Variants in CLASRP observed in about 807,000 individuals in gnomAD.
The protein encoded by CLASRP is CLK4 associating serine/arginine rich protein.
CLASRP carries 52 observed loss-of-function variants against 99.9 expected under a neutral mutation model. That is an observed-to-expected ratio of 0.52 (90% CI 0.42 to 0.66). The LOEUF (loss-of-function observed/expected upper bound fraction) is 0.66, where lower values mean the gene tolerates loss of function less well. Among genes scored for constraint, CLASRP ranks in the 30% least tolerant of loss-of-function variants. The probability of loss-of-function intolerance (pLI) is 0.00; values close to 1 mark genes in which losing one functional copy is unlikely to be tolerated. For missense variants in CLASRP, 848 were observed against 999.2 expected (o/e 0.85, Z 2.04); for synonymous variants, 379 against 373.0 (o/e 1.02, Z -0.18).
Position 45,070,073 on chromosome 19 carries a change from C to A in CLASRP, c.1926C>A (p.Ser642Arg). 6.2e-7 allele frequency: 1 copy of A among 1,607,078 alleles called. No homozygotes were observed. Among genetic ancestry groups the A allele is most frequent in the Non-Finnish European group, 8.5e-7 (1 of 1,173,662 alleles). Residue 642 changes from serine to arginine, a missense_variant, in exon 19 of 21, where the codon AGC (serine) becomes AGA (arginine). Physicochemically the swap from Ser to Arg is moderately radical, Grantham distance 110. Coordinates refer to ENST00000221455, the MANE Select transcript of CLASRP (RefSeq NM_007056.3). ...KEREEWERQY[S>R]RQSRSPSPRY... ...GAGAAGAGTGGGAACGCCAGTACAG[C>A]CGGCAGAGCCGCTCACCCTCCCCCC...
intron 2 of CLASRP, among the ~76,000 whole-genome samples, chr19:45,042,938 C>G (rs1971840428): frequency 6.6e-6 from 1 of 152,156 alleles, no homozygotes; most frequent in South Asian, 2.1e-4. Flanking sequence ...CTGAAACTTT[C>G]TGCATACTGA....
At position 45,060,330 on chromosome 19, in the gene CLASRP, GTCC is replaced by G; in HGVS notation, c.711-54_711-52del. The stretch of plus-strand genomic sequence containing the variant: ...CACTTTCTCTGATGACTCAGTCTGT[GTCC>G]TCCTTACCCTGTGGCCTGCCCCATC... On this transcript the variant is annotated intron_variant, in intron 8 of 20. Coordinates refer to ENST00000221455, the MANE Select transcript of CLASRP (RefSeq NM_007056.3). The surrounding 1 kb of genome is among the most constrained non-coding windows in gnomAD (Gnocchi z 4.6). 1 of 1,493,200 alleles carries G rather than the reference GTCC, an allele frequency of 6.7e-7. No homozygotes were observed. The highest frequency in any genetic ancestry group is 1.7e-5 in the Admixed American group (1 of 59,758). 92.5% of individuals were successfully genotyped at this position (1,493,200 alleles called of 1,614,324 possible).
At chr19:45,048,710 G>T (rs576508254) in intron 2 of CLASRP, among the ~76,000 whole-genome samples, 1 of 151,998 alleles carries the variant, frequency 6.6e-6, no homozygotes, top group South Asian at 2.1e-4. Flanking sequence ...AGTACCAGCT[G>T]GGCGTGGTGG....
At position 45,063,436 on chromosome 19, in the gene CLASRP, C is replaced by CTTTTTTT. The variant is rs565600159; in HGVS notation, c.906-555_906-549dup. On this transcript the variant is annotated intron_variant, in intron 11 of 20. Transcript: ENST00000221455. ...GTGTTTTGTACAGAGATCTGCTTAT[C>CTTTTTTT]TTTTTTTTTTTTTTTTTTTTTTTTT... Among the ~76,000 whole-genome samples, 115 of 42,392 alleles carry CTTTTTTT rather than the reference C, an allele frequency of 2.7e-3. 22 individuals are homozygous for CTTTTTTT. Among genetic ancestry groups the CTTTTTTT allele is most frequent in the South Asian group, 8.0e-3 (8 of 994 alleles). 27.8% of individuals were successfully genotyped at this position (42,392 alleles called of 152,430 possible).
chr19:45,068,127 C>T, intron 15 of CLASRP, 73 bp downstream of exon 15: 17 of 1,453,922 alleles, frequency 1.2e-5, no homozygotes, highest in Non-Finnish European at 1.6e-5. Context: ...CCCGGTGGGC[C>T]TGCAGGGGGG....
rs1020122258 is a variant in CLASRP, at chr19:45,067,385, C to T, written c.1458C>T (p.Leu486=). 4 of 1,533,306 alleles carry T rather than the reference C, an allele frequency of 2.6e-6. No homozygotes were observed. In the Admixed American group the frequency reaches 5.9e-5, roughly 23 times the overall value. The allele number at this position is 1,533,306 out of a possible 1,614,324, so 95.0% of individuals were successfully genotyped here. A position where few individuals can be genotyped will look rare whatever the true frequency, so the allele number is the denominator to read the frequency against. ...GDRYRRGGRG[L]RHHSSSRSRS... Reference sequence around the variant, plus strand: ...GCTACAGGCGGGGCGGCCGGGGCCTCAGGCACCACAGCAGTAGCCGCAGCC... The same window carrying T: ...GCTACAGGCGGGGCGGCCGGGGCCTTAGGCACCACAGCAGTAGCCGCAGCC... Residue 486 remains leucine, a synonymous_variant, in exon 14 of 21, where the codon CTC becomes CTT. Coordinates refer to ENST00000221455, the MANE Select transcript of CLASRP (RefSeq NM_007056.3). This position sits in a 1 kb window ranked among gnomAD's most constrained non-coding sequence, Gnocchi z 4.9.
At chr19:45,059,433 G>C (rs549395326) in intron 8 of CLASRP, 69 bp downstream of exon 8, 801 of 1,256,890 alleles carry the variant, frequency 6.4e-4, no homozygotes, top group Non-Finnish European at 8.1e-4. Flanking sequence ...TATTACTCCC[G>C]GTATTGACAG....
intron 13 of CLASRP, among the ~76,000 whole-genome samples, chr19:45,066,943 G>A (rs1443671291): frequency 6.6e-6 from 1 of 152,148 alleles, no homozygotes; most frequent in African/African-American, 2.4e-5. Flanking sequence ...AGGATGAGGT[G>A]GTGGGTGAGG....
At position 45,069,259 on chromosome 19, in the gene CLASRP, G is replaced by GC. The variant is rs766154590; in HGVS notation, c.1874+15dup. On this transcript the variant is annotated intron_variant, in intron 18 of 20. Transcript: ENST00000221455. Reference sequence around the variant, plus strand: ...CAAGATCCGCATGAAGTAAGACCTTGCCCCTCCCTGTCCCATGGCCACACC... The same window carrying GC: ...CAAGATCCGCATGAAGTAAGACCTTGCCCCCTCCCTGTCCCATGGCCACACC... 1 of 1,612,510 alleles carries GC rather than the reference G, an allele frequency of 6.2e-7. No individual in the cohort carries two copies. Among genetic ancestry groups the GC allele is most frequent in the Non-Finnish European group, 8.5e-7 (1 of 1,179,894 alleles).
Position 45,060,932 on chromosome 19 carries a change from C to T in CLASRP, c.863+305C>T, listed in dbSNP as rs1318643262. Among the ~76,000 whole-genome samples, 1 of 152,230 alleles carries T rather than the reference C, an allele frequency of 6.6e-6. No homozygotes were observed. Among genetic ancestry groups the T allele is most frequent in the Non-Finnish European group, 1.5e-5 (1 of 68,048 alleles). On this transcript the variant is annotated intron_variant, in intron 10 of 20. Transcript: ENST00000221455. The surrounding 1 kb of genome is among the most constrained non-coding windows in gnomAD (Gnocchi z 4.6). Reference sequence around the variant, plus strand: ...CGGCAGAGAGGGCACAGGCTTTGCCCTGGACTCTCACCCAGTTCTGCTGCT... The same window carrying T: ...CGGCAGAGAGGGCACAGGCTTTGCCTTGGACTCTCACCCAGTTCTGCTGCT...
Position 45,057,868 on chromosome 19 carries a change from T to G in CLASRP, c.583T>G (p.Ser195Ala). 1 of 1,613,922 alleles carries G rather than the reference T, an allele frequency of 6.2e-7. No individual in the cohort carries two copies. Among genetic ancestry groups the G allele is most frequent in the Non-Finnish European group, 8.5e-7 (1 of 1,179,930 alleles). ...GTCAGCGGCCGAGGAGGAGAGCAAC[T>G]CGGACGAAGATGAGGTCATCCCCGA... The part of the protein sequence containing the change: ...EESAAEEESN[S>A]DEDEVIPDID... The change falls in exon 7 of 21, where the codon TCG (serine) becomes GCG (alanine). Residue 195 changes from serine (S) to alanine (A), a missense_variant. Ser to Ala is a moderately conservative substitution (Grantham distance 99). Coordinates refer to ENST00000221455, the MANE Select transcript of CLASRP (RefSeq NM_007056.3).
Position 45,053,118 on chromosome 19 carries a change from A to T in CLASRP, c.320A>T (p.Asp107Val), listed in dbSNP as rs1972057419. 1 of 1,613,922 alleles carries T rather than the reference A, an allele frequency of 6.2e-7. No homozygotes were observed. Among genetic ancestry groups the T allele is most frequent in the Admixed American group, 1.7e-5 (1 of 59,970 alleles). Residue 107 changes from aspartate (D) to valine (V), a missense_variant, in exon 5 of 21, where the codon GAC (aspartate) becomes GTC (valine). Asp to Val is a radical substitution (Grantham distance 152). Transcript: ENST00000221455. Reference sequence around the variant, plus strand: ...TAAAGCTCCCCAGAACAGGAGTCGGACGAACGGAAGTGTAACTACGAGCGC... The same window carrying T: ...TAAAGCTCCCCAGAACAGGAGTCGGTCGAACGGAAGTGTAACTACGAGCGC... ...LTTISPEQES[D>V]ERKCNYERYR...
intron 8 of CLASRP, among the ~76,000 whole-genome samples, 165 bp downstream of exon 8, chr19:45,059,529 C>T (rs1014908660): frequency 6.6e-6 from 1 of 152,144 alleles, no homozygotes; most frequent in Admixed American, 6.5e-5. Context: ...TGGTCGTGGC[C>T]CCACTTCATC....
rs1427982718 is a variant in CLASRP, at chr19:45,058,222, AC to A, written c.613+325del. 1.2e-5 allele frequency: 4 copies of A among 341,002 alleles called. No homozygotes were observed. In the Admixed American group the frequency reaches 1.5e-4, roughly 13 times the overall value. The allele number at this position is 341,002 out of a possible 1,614,324, so 21.1% of individuals were successfully genotyped here. ...CCTGCTCTCTTCCCTCCTCTGGAAA[AC>A]AAGTGTTCATCCTCTTACAGAGTCA... On this transcript the variant is annotated intron_variant, in intron 7 of 20. Coordinates refer to ENST00000221455, the MANE Select transcript of CLASRP (RefSeq NM_007056.3).
intron 6 of CLASRP, 44 bp from the exon 7 acceptor site, chr19:45,057,706 T>C: frequency 6.2e-7 from 1 of 1,609,532 alleles, no homozygotes; most frequent in African/African-American, 1.3e-5. Flanking sequence ...GGGGCCCTCA[T>C]CTCCACTGGG....
chr19:45,053,243 G>C lies in CLASRP; in HGVS notation c.379+66G>C. The C allele has an allele frequency of 1.9e-6, 3 of 1,539,102 alleles. No homozygotes were observed. In the Admixed American group the frequency reaches 5.1e-5, roughly 26 times the overall value. On this transcript the variant is annotated intron_variant, in intron 5 of 20. Transcript: ENST00000221455. Reference sequence around the variant, plus strand: ...CCTGGAGCCTGGAAGACCTAGATAGGTTTGGGAAGAAAAGTTTTATCCACA... The same window carrying C: ...CCTGGAGCCTGGAAGACCTAGATAGCTTTGGGAAGAAAAGTTTTATCCACA...
rs778112931 is a variant in CLASRP, at chr19:45,064,526, C to T, written c.1305C>T (p.Ser435=). The T allele has an allele frequency of 1.3e-6, 2 of 1,537,706 alleles. No individual in the cohort carries two copies. The highest frequency in any genetic ancestry group is 2.4e-5 in the East Asian group (1 of 40,874). The change falls in exon 13 of 21, where the codon TCC becomes TCT. Residue 435 remains serine (S), a synonymous_variant. Transcript: ENST00000221455. ...CCCGCTCCCGGCGCTATTCCCGGTC[C>T]CGTAGCCGTGGCCGGCGGCACTCAG... ...SRSRSRRYSR[S]RSRGRRHSGG...
rs1370107352 is a variant in CLASRP at position 45,064,102 on chromosome 19, T to TG, written c.1001dup (p.Ser335GlnfsTer3). Reference sequence around the variant, plus strand: ...AGAAGATCACGTTCATCACCAGTTTTGGGGGCAGCGATGAGGAGGCAGCCG... The same window carrying TG: ...AGAAGATCACGTTCATCACCAGTTTTGGGGGGCAGCGATGAGGAGGCAGCCG... On this transcript the variant is annotated frameshift_variant, in exon 12 of 21. Coordinates refer to ENST00000221455, the MANE Select transcript of CLASRP (RefSeq NM_007056.3). LOFTEE classifies it high-confidence loss of function. The TG allele has an allele frequency of 6.2e-7, 1 of 1,611,116 alleles. No individual in the cohort carries two copies. Among genetic ancestry groups the TG allele is most frequent in the Admixed American group, 1.7e-5 (1 of 59,916 alleles).
At chr19:45,044,371 C>T (rs1192456338) in intron 2 of CLASRP, among the ~76,000 whole-genome samples, 5 of 152,160 alleles carry the variant, frequency 3.3e-5, no homozygotes, top group African/African-American at 4.8e-5. Flanking sequence ...CTTGTGTCTC[C>T]GCTTCATCAA....
Sources: allele counts gnomAD v4.1 joint callset (sites outside exome capture counted in the v4.1 genomes callset), GRCh38; gene constraint gnomAD v4.1.1; non-coding constraint Gnocchi (gnomAD v3.1); transcripts MANE v1.5; gene names NCBI Gene and HGNC (gene_info 2026-07-23, HGNC 2026-07-21).